Variants in ITGA1 observed in about 807,000 individuals in gnomAD.
ITGA1 encodes the protein integrin subunit alpha 1, also known as integrin alpha-1.
A neutral mutation model predicts 145.9 loss-of-function variants in ITGA1; 85 were observed. The ratio of observed to expected loss-of-function variants is 0.58; its 90% CI spans 0.49 to 0.70. The LOEUF is 0.70. ITGA1 is among the 30% of genes least tolerant of loss of function. ITGA1 has a pLI of 0.00. For synonymous variants in ITGA1, 520 were observed against 495.3 expected (o/e 1.05, Z -0.66); for missense variants, 1,351 against 1,418.7 (o/e 0.95, Z 0.77).
chr5:52,823,912 G>A (rs1049814244), intron 1 of ITGA1, among the ~76,000 whole-genome samples: 3 of 152,108 alleles, frequency 2.0e-5, no homozygotes, highest in Admixed American at 6.5e-5. Context: ...TATTATCAAC[G>A]TTTGCCAATT....
At chr5:52,845,845 T>C (rs1580058939) in intron 1 of ITGA1, among the ~76,000 whole-genome samples, 2 of 152,328 alleles carry the variant, frequency 1.3e-5, no homozygotes, top group South Asian at 4.1e-4. Context: ...AAAAATACTT[T>C]CTTGAAATTG....
At chr5:52,802,260 T>C (rs1174098296) in intron 1 of ITGA1, 1 of 154,366 alleles carries the variant, frequency 6.5e-6, no homozygotes, top group Non-Finnish European at 1.4e-5. Context: ...TTAATTCTGC[T>C]TGGTGTTCTT....
chr5:52,953,847 C>CTGTAACA lies in ITGA1; in HGVS notation c.*1396_*1397insTGTAACA. 6.6e-6 allele frequency: 1 copy of CTGTAACA among 152,278 alleles called. No individual in the cohort carries two copies. Among genetic ancestry groups the CTGTAACA allele is most frequent in the East Asian group, 1.9e-4 (1 of 5,186 alleles). The allele number at this position is 152,278 out of a possible 1,614,324, so 9.4% of individuals were successfully genotyped here. On this transcript the variant is annotated 3_prime_UTR_variant, in exon 29 of 29. Coordinates refer to ENST00000282588, the MANE Select transcript of ITGA1 (RefSeq NM_181501.2). ...AACAACATTTCTCCATCTGATTTACCAGAACCTGTAACAAGACCAGAACAT... is the reference window on the plus strand; with the variant it reads ...AACAACATTTCTCCATCTGATTTACCTGTAACAAGAACCTGTAACAAGACCAGAACAT...
At chr5:52,826,738 A>G (rs1748973069) in intron 1 of ITGA1, among the ~76,000 whole-genome samples, 1 of 152,230 alleles carries the variant, frequency 6.6e-6, no homozygotes, top group African/African-American at 2.4e-5. Context: ...CCTGAATGAC[A>G]GCATATCTGT....
chr5:52,812,197 T>C (rs12153725), intron 1 of ITGA1, among the ~76,000 whole-genome samples: 36,509 of 152,190 alleles, frequency 0.24, 4,917 homozygotes, highest in Non-Finnish European at 0.3. Context: ...CACTGTGGGA[T>C]TTGTCTATAC....
chr5:52,865,868 A>C, intron 6 of ITGA1, 51 bp downstream of exon 6: 1 of 1,454,168 alleles, frequency 6.9e-7, no homozygotes, highest in Non-Finnish European at 9.1e-7. Flanking sequence ...AAAAATGCAC[A>C]AATTTTTAAT....
Position 52,929,695 on chromosome 5 carries a change from C to A in ITGA1, c.2765C>A (p.Ala922Glu). The part of the protein sequence containing the change: ...LMENVTIYLS[A>E]TSDSEEPPET... Reference sequence around the variant, plus strand: ...GAAAATGTGACCATTTATTTAAGTGCAACAAGGTTGGTTTACATGTGTATA... The same window carrying A: ...GAAAATGTGACCATTTATTTAAGTGAAACAAGGTTGGTTTACATGTGTATA... Residue 922 changes from alanine (A) to glutamate (E), a missense_variant, in exon 21 of 29, where the codon GCA becomes GAA. Coordinates refer to ENST00000282588, the MANE Select transcript of ITGA1 (RefSeq NM_181501.2). 6.3e-7 allele frequency: 1 copy of A among 1,576,042 alleles called. No individual in the cohort carries two copies. Among genetic ancestry groups the A allele is most frequent in the Non-Finnish European group, 8.7e-7 (1 of 1,149,020 alleles).
chr5:52,871,839 G>A (rs1210365099), intron 6 of ITGA1, among the ~76,000 whole-genome samples: 1 of 152,088 alleles, frequency 6.6e-6, no homozygotes, highest in Non-Finnish European at 1.5e-5. Context: ...ACAGAGTAAA[G>A]GCTATAAAAT....
At chr5:52,885,417 C>T (rs1007079687) in intron 7 of ITGA1, among the ~76,000 whole-genome samples, 7 of 151,970 alleles carry the variant, frequency 4.6e-5, no homozygotes, top group Non-Finnish European at 7.4e-5. Context: ...GGAAATTCAA[C>T]AGATTAGAAT....
intron 1 of ITGA1, chr5:52,800,440 G>A (rs1487508566): frequency 1.9e-6 from 3 of 1,614,074 alleles, no homozygotes; most frequent in Admixed American, 3.3e-5. Context: ...TGCGGGCCAG[G>A]TGACCCTGGT....
At chr5:52,834,969 G>C (rs1749141628) in intron 1 of ITGA1, among the ~76,000 whole-genome samples, 1 of 152,102 alleles carries the variant, frequency 6.6e-6, no homozygotes, top group African/African-American at 2.4e-5. Context: ...AAAGAAGAAA[G>C]GTAGAAGAAG....
rs1278686851 is a variant in ITGA1 at position 52,819,805 on chromosome 5, A to G, written c.62-29560A>G. Among the ~76,000 whole-genome samples the G allele has an allele frequency of 3.3e-5, 5 of 152,140 alleles. 1 individual carries two copies. In the South Asian group the frequency reaches 6.2e-4, roughly 19 times the overall value. On this transcript the variant is annotated intron_variant, in intron 1 of 28. Transcript: ENST00000282588. ...GATCTGACATTTAAGTCTTTAATCCATCTTGAATTAATTTTTGTATAAGGT... is the reference window on the plus strand; with the variant it reads ...GATCTGACATTTAAGTCTTTAATCCGTCTTGAATTAATTTTTGTATAAGGT...
At chr5:52,930,783 G>A (rs1750883824) in intron 21 of ITGA1, among the ~76,000 whole-genome samples, 1 of 152,136 alleles carries the variant, frequency 6.6e-6, no homozygotes, top group Non-Finnish European at 1.5e-5. Context: ...AATACATAAA[G>A]TAGCAATGAA....
At chr5:52,798,031 CTCTCTT>C (rs2111655096) in intron 1 of ITGA1, among the ~76,000 whole-genome samples, 1 of 152,364 alleles carries the variant, frequency 6.6e-6, no homozygotes, top group South Asian at 2.1e-4. Context: ...CTCATTCTCT[CTCTCTT>C]TCTCTCTCAC....
At chr5:52,895,124 A>G (rs1468948095) in intron 9 of ITGA1, among the ~76,000 whole-genome samples, 2 of 152,132 alleles carry the variant, frequency 1.3e-5, no homozygotes, top group African/African-American at 2.4e-5. Context: ...AATGCTGGCT[A>G]TACTCAGTCT....
In ITGA1 at chr5:52,937,298, A is replaced by T. The variant is rs909032221; in HGVS notation, c.2965-103A>T. The T allele has an allele frequency of 3.5e-5, 27 of 765,942 alleles. No homozygotes were observed. In the African/African-American group the frequency reaches 4.5e-4, roughly 13 times the overall value. 47.4% of individuals were successfully genotyped at this position (765,942 alleles called of 1,614,324 possible). ...CTACATTTGTTTGGGGATTCAAAAT[A>T]TTACACAATTTACTTCATCAGCTAG... On this transcript the variant is annotated intron_variant, in intron 23 of 28. Transcript: ENST00000282588.
intron 1 of ITGA1, among the ~76,000 whole-genome samples, chr5:52,809,502 CTTTTTTT>C (rs59067853): frequency 7.4e-5 from 9 of 122,438 alleles, no homozygotes; most frequent in African/African-American, 2.1e-4. Context: ...CTCAACTTTA[CTTTTTTT>C]TTTTTTTTTT....
chr5:52,910,925 G>C (rs951257343), intron 14 of ITGA1, among the ~76,000 whole-genome samples: 1 of 134,802 alleles, frequency 7.4e-6, no homozygotes, highest in Non-Finnish European at 1.5e-5. Context: ...ACTATATATA[G>C]TATATATGGT....
At chr5:52,881,816 G>T in intron 6 of ITGA1, 57 bp from the exon 7 acceptor site, 2 of 1,516,498 alleles carry the variant, frequency 1.3e-6, no homozygotes, top group East Asian at 2.3e-5. Flanking sequence ...TTAACCTGAA[G>T]AAATCTGAAC....
Sources: allele counts gnomAD v4.1 joint callset (sites outside exome capture counted in the v4.1 genomes callset), GRCh38; gene constraint gnomAD v4.1.1; transcripts MANE v1.5; gene names NCBI Gene and HGNC (gene_info 2026-07-23, HGNC 2026-07-21).